Variants in DMRT1 observed in about 807,000 individuals in gnomAD.
DMRT1 encodes doublesex and mab-3 related transcription factor 1, also known as doublesex- and mab-3-related transcription factor 1.
Under a neutral mutation model 32.3 loss-of-function variants are expected in DMRT1, and 7 were observed. That is an observed-to-expected ratio of 0.22 (90% CI 0.12 to 0.41). DMRT1 has a LOEUF of 0.41. Ranked by LOEUF, DMRT1 falls within the 10% of genes least tolerant of loss-of-function variation. The pLI is 1.00. For missense variants in DMRT1, 625 were observed against 500.5 expected (o/e 1.25, Z -2.37); for synonymous variants, 278 against 206.1 (o/e 1.35, Z -2.99).
intron 4 of DMRT1, among the ~76,000 whole-genome samples, chr9:945,523 ACTG>A (rs558580025): frequency 2.2e-4 from 34 of 152,340 alleles, no homozygotes; most frequent in African/African-American, 7.7e-4. Context: ...AACTTGCTAC[ACTG>A]CTATTTTTTG....
rs543096906 is a variant in DMRT1 at position 867,532 on chromosome 9, T to G, written c.538+20389T>G. Among the ~76,000 whole-genome samples the G allele has an allele frequency of 1.2e-4, 19 of 152,366 alleles. 1 individual carries two copies. The highest frequency in any genetic ancestry group is 4.1e-4 in the African/African-American group (17 of 41,592). On this transcript the variant is annotated intron_variant, in intron 2 of 4. Transcript: ENST00000382276. Reference sequence around the variant, plus strand: ...TGTCTTAGCTGCTTTGTTATTTATATTTTCATTTAATCTTTACGGCAACTC... The same window carrying G: ...TGTCTTAGCTGCTTTGTTATTTATAGTTTCATTTAATCTTTACGGCAACTC...
intron 2 of DMRT1, among the ~76,000 whole-genome samples, chr9:870,410 A>G (rs55670979): frequency 0.044 from 6,635 of 150,334 alleles, 177 homozygotes; most frequent in Non-Finnish European, 0.07. Flanking sequence ...AAAAAACAAC[A>G]ACAATAACAA....
At chr9:861,891 C>CCA (rs1302116988) in intron 2 of DMRT1, among the ~76,000 whole-genome samples, 1 of 150,434 alleles carries the variant, frequency 6.6e-6, no homozygotes, top group African/African-American at 2.5e-5. Context: ...AGGCACTCTT[C>CCA]ACATCCCAGA....
At chr9:912,777 C>G (rs1309802399) in intron 3 of DMRT1, among the ~76,000 whole-genome samples, 2 of 152,056 alleles carry the variant, frequency 1.3e-5, no homozygotes, top group African/African-American at 2.4e-5. Flanking sequence ...GGTTCTCAAT[C>G]TCGGTGTCAT....
chr9:892,341 G>C (rs1479317895), intron 2 of DMRT1, among the ~76,000 whole-genome samples: 2 of 152,046 alleles, frequency 1.3e-5, no homozygotes, highest in Admixed American at 6.6e-5. Flanking sequence ...GGTGACTCTT[G>C]GATCTGGCTT....
chr9:932,698 G>C (rs1387079073), intron 4 of DMRT1, among the ~76,000 whole-genome samples: 1 of 152,110 alleles, frequency 6.6e-6, no homozygotes, highest in East Asian at 1.9e-4. Flanking sequence ...AAAATGGGGT[G>C]CCCAGGTTAT....
intron 4 of DMRT1, among the ~76,000 whole-genome samples, chr9:948,089 A>G (rs1228962789): frequency 6.6e-6 from 1 of 151,972 alleles, no homozygotes; most frequent in East Asian, 1.9e-4. Flanking sequence ...TTACTTATCT[A>G]CTCTGAAAAC....
chr9:956,016 A>C (rs978064046), intron 4 of DMRT1, among the ~76,000 whole-genome samples: 2 of 152,270 alleles, frequency 1.3e-5, no homozygotes, highest in African/African-American at 4.8e-5. Flanking sequence ...AGGTGGATGC[A>C]ACGCAAATGA....
chr9:944,816 T>A (rs1819189683), intron 4 of DMRT1, among the ~76,000 whole-genome samples: 1 of 152,180 alleles, frequency 6.6e-6, no homozygotes, highest in South Asian at 2.1e-4. Context: ...ATATTACTAT[T>A]CTATGGTGTT....
At chr9:870,318 G>A (rs549083863) in intron 2 of DMRT1, among the ~76,000 whole-genome samples, 2 of 152,306 alleles carry the variant, frequency 1.3e-5, no homozygotes, top group African/African-American at 4.8e-5. Context: ...AGAATCGCTT[G>A]AACCTGGGAG....
intron 3 of DMRT1, among the ~76,000 whole-genome samples, chr9:900,734 G>A (rs1037255261): frequency 1.3e-5 from 2 of 151,476 alleles, no homozygotes; most frequent in African/African-American, 4.9e-5. Context: ...ACCCAGACTG[G>A]AGTGCAGTAG....
chr9:901,853 C>T (rs1817589224), intron 3 of DMRT1, among the ~76,000 whole-genome samples: 1 of 151,712 alleles, frequency 6.6e-6, no homozygotes, highest in Non-Finnish European at 1.5e-5. Flanking sequence ...ATAACACCCT[C>T]ACTCCAAGGC....
chr9:845,290 A>C (rs930381840), intron 1 of DMRT1, among the ~76,000 whole-genome samples: 2 of 151,738 alleles, frequency 1.3e-5, no homozygotes, highest in Admixed American at 1.3e-4. Context: ...GCTCACTGCA[A>C]CCTCCACCTC....
intron 2 of DMRT1, among the ~76,000 whole-genome samples, chr9:859,715 G>C (rs1255062850): frequency 6.6e-6 from 1 of 152,092 alleles, no homozygotes; most frequent in Non-Finnish European, 1.5e-5. Context: ...TTGCTAATCT[G>C]GTCTCATTGT....
intron 3 of DMRT1, among the ~76,000 whole-genome samples, chr9:909,606 C>G (rs1338961239): frequency 6.6e-6 from 1 of 152,204 alleles, no homozygotes; most frequent in Non-Finnish European, 1.5e-5. Flanking sequence ...TGTGAAGAGT[C>G]CTACCTTTAT....
chr9:958,200 A>G (rs935356354), intron 4 of DMRT1, among the ~76,000 whole-genome samples: 4 of 152,176 alleles, frequency 2.6e-5, no homozygotes, highest in Non-Finnish European at 4.4e-5. Context: ...TGAGTCTCCC[A>G]GTAGTAAAGA....
chr9:957,972 G>GCATT (rs1819652672), intron 4 of DMRT1, among the ~76,000 whole-genome samples: 1 of 152,158 alleles, frequency 6.6e-6, no homozygotes, highest in Non-Finnish European at 1.5e-5. Context: ...TTGTGCCACT[G>GCATT]CATTCCAGCT....
chr9:843,142 G>A (rs1012636562), intron 1 of DMRT1, among the ~76,000 whole-genome samples: 8 of 152,200 alleles, frequency 5.3e-5, no homozygotes, highest in African/African-American at 1.9e-4. Flanking sequence ...CTCCCTCCTT[G>A]CTGAGTTGCA....
At chr9:881,988 A>G (rs1816752962) in intron 2 of DMRT1, among the ~76,000 whole-genome samples, 2 of 152,234 alleles carry the variant, frequency 1.3e-5, no homozygotes, top group African/African-American at 4.8e-5. Context: ...TTTCATGGCC[A>G]TGAGACATTG....
Sources: allele counts gnomAD v4.1 joint callset (sites outside exome capture counted in the v4.1 genomes callset), GRCh38; gene constraint gnomAD v4.1.1; transcripts MANE v1.5; gene names NCBI Gene and HGNC (gene_info 2026-07-23, HGNC 2026-07-21).